SLC35F4: variants seen among roughly 807,000 people sequenced by gnomAD.
SLC35F4 encodes the protein solute carrier family 35 member F4, also known as chromosome 14 open reading frame 36.
Under a neutral mutation model 44.2 loss-of-function variants are expected in SLC35F4, and 24 were observed. That is an observed-to-expected ratio of 0.54 (90% CI 0.39 to 0.76). The LOEUF (loss-of-function observed/expected upper bound fraction) is 0.76, where lower values mean the gene tolerates loss of function less well. Ranked by LOEUF, SLC35F4 falls within the 30% of genes least tolerant of loss-of-function variation. The pLI is 0.00. For synonymous variants in SLC35F4, 238 were observed against 223.6 expected (o/e 1.06, Z -0.57); for missense variants, 562 against 586.1 (o/e 0.96, Z 0.42).
intron 1 of SLC35F4, among the ~76,000 whole-genome samples, chr14:57,971,683 T>C (rs1881057762): frequency 6.6e-6 from 1 of 152,066 alleles, no homozygotes; most frequent in Admixed American, 6.6e-5. Context: ...AAGTGGAATC[T>C]AAAAAAATTG....
chr14:57,803,319 C>T (rs959406934), intron 1 of SLC35F4, among the ~76,000 whole-genome samples: 6 of 152,006 alleles, frequency 3.9e-5, no homozygotes, highest in African/African-American at 1.5e-4. Context: ...ATAATAGAAG[C>T]CATCTATGAC....
chr14:57,882,531 T>C (rs1932242), intron 1 of SLC35F4, among the ~76,000 whole-genome samples: 26,536 of 152,100 alleles, frequency 0.17, 2,973 homozygotes, highest in East Asian at 0.62. Context: ...CAAGCTACTA[T>C]AGGCAGAGAG....
chr14:57,885,462 A>G (rs2141035469), intron 1 of SLC35F4, among the ~76,000 whole-genome samples: 1 of 152,342 alleles, frequency 6.6e-6, no homozygotes, highest in South Asian at 2.1e-4. Context: ...TTTCAGCTTC[A>G]GTCATACTGG....
chr14:57,720,425 C>T (rs1325290610), intron 1 of SLC35F4, among the ~76,000 whole-genome samples: 1 of 152,076 alleles, frequency 6.6e-6, no homozygotes, highest in African/African-American at 2.4e-5. Context: ...CTTTCTTAAA[C>T]AATTGTTAGA....
At chr14:57,921,314 G>C (rs1004671736) in intron 1 of SLC35F4, among the ~76,000 whole-genome samples, 2 of 152,212 alleles carry the variant, frequency 1.3e-5, no homozygotes, top group African/African-American at 4.8e-5. Context: ...GTAGTATCAA[G>C]ACACTGGAAG....
At chr14:57,700,651 C>T (rs2075511685) in intron 1 of SLC35F4, among the ~76,000 whole-genome samples, 1 of 152,070 alleles carries the variant, frequency 6.6e-6, no homozygotes, top group African/African-American at 2.4e-5. Flanking sequence ...CCTGCAATCC[C>T]AGCACTTTGG....
intron 1 of SLC35F4, among the ~76,000 whole-genome samples, chr14:57,672,854 T>C (rs1198454217): frequency 5.9e-5 from 9 of 152,056 alleles, no homozygotes. Context: ...AAAGTCTGAA[T>C]CCTTTCATGT....
At chr14:57,799,460 T>C (rs1328906437) in intron 1 of SLC35F4, 2 of 152,368 alleles carry the variant, frequency 1.3e-5, no homozygotes, top group African/African-American at 4.8e-5. Context: ...CGTCTGTACA[T>C]ATCCCTAGGA....
At chr14:57,979,431 T>C (rs1354861895) in intron 1 of SLC35F4, among the ~76,000 whole-genome samples, 3 of 152,162 alleles carry the variant, frequency 2.0e-5, no homozygotes, top group Non-Finnish European at 2.9e-5. Flanking sequence ...TTCCAGCTGG[T>C]GTCACAGTGA....
At chr14:57,679,438 G>A (rs1490716706) in intron 1 of SLC35F4, among the ~76,000 whole-genome samples, 1 of 151,938 alleles carries the variant, frequency 6.6e-6, no homozygotes, top group Non-Finnish European at 1.5e-5. Context: ...ATCTAAAATT[G>A]ACACCCTAAT....
intron 1 of SLC35F4, among the ~76,000 whole-genome samples, chr14:57,614,539 A>G (rs1465541912): frequency 6.6e-6 from 1 of 152,268 alleles, no homozygotes; most frequent in Non-Finnish European, 1.5e-5. Context: ...TAAGAAACAG[A>G]CAAAAAGGAT....
At chr14:57,647,229 G>A (rs1407400482) in intron 1 of SLC35F4, among the ~76,000 whole-genome samples, 2 of 150,854 alleles carry the variant, frequency 1.3e-5, no homozygotes, top group African/African-American at 2.4e-5. Flanking sequence ...GGGTGTTAAA[G>A]TCTCCCATTA....
intron 1 of SLC35F4, among the ~76,000 whole-genome samples, chr14:57,893,613 AGTTTAAGCTCTCTAT>A (rs1202325912): frequency 3.9e-5 from 6 of 152,154 alleles, no homozygotes; most frequent in Admixed American, 3.9e-4. Flanking sequence ...TGGGCAACTC[AGTTTAAGCTCTCTAT>A]GTCCAAGCAC....
At chr14:57,960,830 G>A (rs947789024) in intron 1 of SLC35F4, among the ~76,000 whole-genome samples, 2 of 152,130 alleles carry the variant, frequency 1.3e-5, no homozygotes, top group African/African-American at 4.8e-5. Context: ...CAAGGAGGTG[G>A]CCCAGGTCCC....
At chr14:57,797,823 C>A (rs1216472589) in intron 1 of SLC35F4, among the ~76,000 whole-genome samples, 2 of 152,102 alleles carry the variant, frequency 1.3e-5, no homozygotes, top group African/African-American at 4.8e-5. Flanking sequence ...TGCCATATAT[C>A]TTGACAGTAT....
At chr14:57,745,300 T>C (rs573365504) in intron 1 of SLC35F4, among the ~76,000 whole-genome samples, 5 of 152,254 alleles carry the variant, frequency 3.3e-5, no homozygotes, top group Admixed American at 3.3e-4. Flanking sequence ...ACAGGCAACC[T>C]ACAGAAAGGG....
chr14:57,902,544 C>G (rs1318940194), intron 1 of SLC35F4, among the ~76,000 whole-genome samples: 1 of 135,800 alleles, frequency 7.4e-6, no homozygotes, highest in Non-Finnish European at 1.5e-5. Context: ...GCCTGGGCAA[C>G]AAGAGCGAAA....
intron 1 of SLC35F4, among the ~76,000 whole-genome samples, chr14:57,642,608 T>G (rs2073303618): frequency 6.6e-6 from 1 of 152,014 alleles, no homozygotes; most frequent in Non-Finnish European, 1.5e-5. Flanking sequence ...CTTTTTTTGA[T>G]GTTTTCAATG....
intron 1 of SLC35F4, among the ~76,000 whole-genome samples, chr14:57,956,646 TTC>T (rs1289096033): frequency 6.6e-6 from 1 of 152,048 alleles, no homozygotes; most frequent in Non-Finnish European, 1.5e-5. Context: ...TAACAGACAC[TTC>T]TCAAAAGAAG....
Sources: allele counts gnomAD v4.1 joint callset (sites outside exome capture counted in the v4.1 genomes callset), GRCh38; gene constraint gnomAD v4.1.1; transcripts MANE v1.5; gene names NCBI Gene and HGNC (gene_info 2026-07-23, HGNC 2026-07-21).